Variants in STPG2 observed in about 807,000 individuals in gnomAD.
STPG2 encodes sperm-tail PG-rich repeat-containing protein 2.
Under a neutral mutation model 54.2 loss-of-function variants are expected in STPG2, and 56 were observed. That is an observed-to-expected ratio of 1.03 (90% CI 0.83 to 1.29). STPG2 has a LOEUF of 1.29. STPG2 is among the 50% of genes most tolerant of loss of function. The pLI is 0.00. For missense variants in STPG2, 596 were observed against 544.9 expected (o/e 1.09, Z -0.93); for synonymous variants, 200 against 181.8 (o/e 1.10, Z -0.81).
At chr4:97,818,937 GTA>G (rs1727999230) in intron 9 of STPG2, among the ~76,000 whole-genome samples, 1 of 147,482 alleles carries the variant, frequency 6.8e-6, no homozygotes, top group Non-Finnish European at 1.5e-5. Context: ...ATATATTTAT[GTA>G]TCTCTTATAT....
At chr4:97,442,398 T>G (rs927038570) in intron 4 of STPG2, among the ~76,000 whole-genome samples, 7 of 152,088 alleles carry the variant, frequency 4.6e-5, no homozygotes, top group African/African-American at 1.7e-4. Flanking sequence ...CAGCCAAGCA[T>G]TAAACTTATC....
intron 10 of STPG2, among the ~76,000 whole-genome samples, chr4:97,575,049 A>T (rs1441586794): frequency 6.6e-6 from 1 of 152,024 alleles, no homozygotes; most frequent in African/African-American, 2.4e-5. Flanking sequence ...AAAAAAATTA[A>T]TTTTTGGAAA....
At chr4:97,717,491 G>A (rs1027101569) in intron 9 of STPG2, among the ~76,000 whole-genome samples, 1 of 152,166 alleles carries the variant, frequency 6.6e-6, no homozygotes, top group Non-Finnish European at 1.5e-5. Context: ...CTATAGGGCT[G>A]TCACTGTTAT....
chr4:98,072,613 T>TAAAACAAAAG (rs1233401480), intron 5 of STPG2, among the ~76,000 whole-genome samples: 13 of 135,290 alleles, frequency 9.6e-5, no homozygotes, highest in South Asian at 7.2e-4. Flanking sequence ...TAAAATAAAA[T>TAAAACAAAAG]AAAACAAAAC....
intron 10 of STPG2, among the ~76,000 whole-genome samples, chr4:97,662,367 G>T (rs1722398444): frequency 6.6e-6 from 1 of 152,002 alleles, no homozygotes; most frequent in South Asian, 2.1e-4. Flanking sequence ...TTACTAAAAA[G>T]TCAAACATAA....
intron 1 of STPG2, among the ~76,000 whole-genome samples, chr4:98,134,849 T>C (rs974270839): frequency 6.6e-6 from 1 of 151,800 alleles, no homozygotes; most frequent in African/African-American, 2.4e-5. Flanking sequence ...ACATCATATA[T>C]AAACTTGTAA....
chr4:97,992,563 T>A lies in STPG2; in HGVS notation c.613-11245A>T, dbSNP rs6841634. Among the ~76,000 whole-genome samples the A allele has an allele frequency of 1.5e-3, 232 of 152,210 alleles. 1 individual carries two copies. The highest frequency in any genetic ancestry group is 5.4e-3 in the African/African-American group (224 of 41,574). On this transcript the variant is annotated intron_variant, in intron 5 of 10. Transcript: ENST00000295268. ...CTTCAGATTTGTTCTTTTTGCTTAG[T>A]CTTTCTTTGGCTATGTGGGTCTTTT... is the stretch of plus-strand genomic sequence containing the variant.
chr4:97,495,241 T>C (rs1195742803), intron 4 of STPG2, among the ~76,000 whole-genome samples: 1 of 151,526 alleles, frequency 6.6e-6, no homozygotes, highest in African/African-American at 2.4e-5. Flanking sequence ...TATCCTATTA[T>C]TCCTAGTAGT....
Position 98,100,679 on chromosome 4 carries a change from T to G in STPG2, c.612+5274A>C, listed in dbSNP as rs556088688. Among the ~76,000 whole-genome samples the G allele has an allele frequency of 7.3e-4, 105 of 144,032 alleles. 2 individuals carry two copies. The East Asian group carries it at 0.016, about 22-fold the overall frequency. The allele number at this position is 144,032 out of a possible 152,430, so 94.5% of individuals were successfully genotyped here. ...TTTTCTTTCTTTTTTTTTTTTTTTT[T>G]TTTTTTTTGTTTTTGAGACAGAGTC... On this transcript the variant is annotated intron_variant, in intron 5 of 10. Coordinates refer to ENST00000295268, the MANE Select transcript of STPG2 (RefSeq NM_174952.3).
intron 10 of STPG2, among the ~76,000 whole-genome samples, chr4:97,578,210 T>C (rs1732772305): frequency 6.6e-6 from 1 of 151,620 alleles, no homozygotes; most frequent in African/African-American, 2.4e-5. Flanking sequence ...GCTCAAGCGA[T>C]TGTCCCACCT....
chr4:97,752,816 G>T (rs1254541828), intron 9 of STPG2, among the ~76,000 whole-genome samples: 1 of 151,654 alleles, frequency 6.6e-6, no homozygotes, highest in African/African-American at 2.4e-5. Context: ...GCTCTATTCA[G>T]ATTCTACATC....
chr4:97,674,021 A>C (rs188947596), intron 10 of STPG2, among the ~76,000 whole-genome samples: 1 of 152,296 alleles, frequency 6.6e-6, no homozygotes, highest in Non-Finnish European at 1.5e-5. Context: ...TGCATATTAT[A>C]ATGTATCCTT....
intron 8 of STPG2, among the ~76,000 whole-genome samples, chr4:97,912,609 A>G (rs1016880068): frequency 2.6e-5 from 4 of 152,212 alleles, no homozygotes; most frequent in Non-Finnish European, 5.9e-5. Context: ...CAGGCAAACA[A>G]GAATAGAGAG....
chr4:97,513,737 A>G (rs927395291), intron 4 of STPG2, among the ~76,000 whole-genome samples: 4 of 152,156 alleles, frequency 2.6e-5, no homozygotes, highest in Non-Finnish European at 4.4e-5. Context: ...CTTCAAAGAA[A>G]AGGAAACTGA....
chr4:98,077,225 TTTGTTGTTGTTG>T (rs56140336), intron 5 of STPG2, among the ~76,000 whole-genome samples: 1 of 148,570 alleles, frequency 6.7e-6, no homozygotes, highest in Non-Finnish European at 1.5e-5. Context: ...CCTCAATAGT[TTTGTTGTTGTTG>T]TTGTTGTTGT....
chr4:97,498,390 TCTC>T (rs759865881), intron 4 of STPG2, among the ~76,000 whole-genome samples: 5 of 151,868 alleles, frequency 3.3e-5, no homozygotes, highest in South Asian at 2.1e-4. Context: ...TTTAGAAAAA[TCTC>T]CTCATAAAGA....
At chr4:97,890,903 A>G (rs2149174715) in intron 8 of STPG2, among the ~76,000 whole-genome samples, 1 of 152,166 alleles carries the variant, frequency 6.6e-6, no homozygotes, top group South Asian at 2.1e-4. Context: ...AAATTAATAT[A>G]TAAAAACAAA....
chr4:98,127,201 T>TC (rs5860526), intron 3 of STPG2, among the ~76,000 whole-genome samples: 60,067 of 151,964 alleles, frequency 0.4, 12,112 homozygotes, highest in Middle Eastern at 0.46. Context: ...ATAACATATT[T>TC]TTTTAAAATA....
At chr4:97,600,656 A>T (rs1481808887) in intron 10 of STPG2, among the ~76,000 whole-genome samples, 6 of 152,106 alleles carry the variant, frequency 3.9e-5, no homozygotes, top group Admixed American at 3.9e-4. Flanking sequence ...CAGTGTCTAG[A>T]AGATATAGTC....
Sources: gnomAD v4.1 joint callset for allele counts (sites outside exome capture counted in the v4.1 genomes callset) on GRCh38, gnomAD v4.1.1 for gene constraint, MANE v1.5 for transcripts, NCBI Gene and HGNC (gene_info 2026-07-23, HGNC 2026-07-21) for gene names.